Variants in IGSF3 observed in about 807,000 individuals in gnomAD.
IGSF3 encodes the protein glu-Trp-Ile EWI motif-containing protein 3.
Under a neutral mutation model 114.4 loss-of-function variants are expected in IGSF3, and 23 were observed. That is an observed-to-expected ratio of 0.20 (90% CI 0.14 to 0.28). The LOEUF (loss-of-function observed/expected upper bound fraction) is 0.28. Ranked by LOEUF, IGSF3 falls within the 10% of genes least tolerant of loss-of-function variation. The pLI is 1.00. For missense variants in IGSF3, 1,172 were observed against 1,591.5 expected (o/e 0.74, Z 4.48); for synonymous variants, 571 against 645.2 (o/e 0.88, Z 1.74).
intron 4 of IGSF3, among the ~76,000 whole-genome samples, chr1:116,608,634 C>T (rs1216666432): frequency 6.6e-6 from 1 of 152,174 alleles, no homozygotes; most frequent in Admixed American, 6.5e-5. Flanking sequence ...AGATGAGACC[C>T]CCAGGTCAGT....
Position 116,648,045 on chromosome 1 carries a change from G to A in IGSF3, c.43+18239C>T, listed in dbSNP as rs1340908158. 2.0e-5 allele frequency among the ~76,000 whole-genome samples: 3 copies of A among 152,026 alleles called. No individual in the cohort carries two copies. Among genetic ancestry groups the A allele is most frequent in the South Asian group, 2.1e-4 (1 of 4,824 alleles). On this transcript the variant is annotated intron_variant, in intron 2 of 10. Coordinates refer to ENST00000369486, the MANE Select transcript of IGSF3 (RefSeq NM_001007237.3). This position sits in a 1 kb window ranked among gnomAD's most constrained non-coding sequence, Gnocchi z 4.7. ...CTTGAACCTGGGAGGCAGAGGTTGC[G>A]ATAAGCTGAGATTGGGCCACTGCAC...
Position 116,579,517 on chromosome 1 carries a change from G to C in IGSF3, c.3209C>G (p.Ala1070Gly). The change falls in exon 10 of 11, where the codon GCA becomes GGA. Residue 1070 changes from alanine to glycine, a missense_variant. Transcript: ENST00000369486. This position sits in a 1 kb window ranked among gnomAD's most constrained non-coding sequence, Gnocchi z 6.4. ...PVLYRLTVLQ[A>G]SPQDTGNYSC... ...GTAATTGCCTGTATCTTGGGGGCTT[G>C]CCTGCAGCACTGTGAGCCGGTAGAG... is the stretch of plus-strand genomic sequence containing the variant. 6.2e-7 allele frequency: 1 copy of C among 1,614,126 alleles called. No individual in the cohort carries two copies.
At position 116,647,780 on chromosome 1, in the gene IGSF3, T is replaced by A. The variant is rs1481518774; in HGVS notation, c.43+18504A>T. 3.9e-5 allele frequency among the ~76,000 whole-genome samples: 6 copies of A among 152,334 alleles called. No homozygotes were observed. In the East Asian group the frequency reaches 1.2e-3, roughly 29 times the overall value. ...TTTCTGGGATTAAGCTTAGACCTTG[T>A]AGGCCTATCAGCCAGAAGCAGTGTG... On this transcript the variant is annotated intron_variant, in intron 2 of 10. Transcript: ENST00000369486. The surrounding 1 kb of genome is among the most constrained non-coding windows in gnomAD (Gnocchi z 4.6).
chr1:116,606,583 T>C (rs766090000), intron 5 of IGSF3: 3 of 775,102 alleles, frequency 3.9e-6, no homozygotes, highest in East Asian at 2.5e-5. Context: ...CCACAGATCA[T>C]CAAACAAGTT....
At chr1:116,663,966 A>G (rs1040641093) in intron 2 of IGSF3, among the ~76,000 whole-genome samples, 1 of 152,248 alleles carries the variant, frequency 6.6e-6, no homozygotes, top group Non-Finnish European at 1.5e-5. Flanking sequence ...TGCAGCAAGA[A>G]TGCTGACACA....
rs1416536788 is a variant in IGSF3 at position 116,628,881 on chromosome 1, C to T, written c.44-12424G>A. Reference sequence around the variant, plus strand: ...CTATGACCAGGCAGTAGGCAGTGGGCCCTGCTCATTCTTTCTAGGGAGGCA... The same window carrying T: ...CTATGACCAGGCAGTAGGCAGTGGGTCCTGCTCATTCTTTCTAGGGAGGCA... On this transcript the variant is annotated intron_variant, in intron 2 of 10. Coordinates refer to ENST00000369486, the MANE Select transcript of IGSF3 (RefSeq NM_001007237.3). The surrounding 1 kb of genome is among the most constrained non-coding windows in gnomAD (Gnocchi z 4.2). Among the ~76,000 whole-genome samples, 1 of 152,158 alleles carries T rather than the reference C, an allele frequency of 6.6e-6. No individual in the cohort carries two copies. The highest frequency in any genetic ancestry group is 1.9e-4 in the East Asian group (1 of 5,200).
Position 116,632,479 on chromosome 1 carries a change from C to T in IGSF3, c.44-16022G>A, listed in dbSNP as rs1647634586. Reference sequence around the variant, plus strand: ...CATAACTATGGAACAGCTAACCACACAACGCAGCATACTGAATGAGAAGCC... The same window carrying T: ...CATAACTATGGAACAGCTAACCACATAACGCAGCATACTGAATGAGAAGCC... On this transcript the variant is annotated intron_variant, in intron 2 of 10. Coordinates refer to ENST00000369486, the MANE Select transcript of IGSF3 (RefSeq NM_001007237.3). This position sits in a 1 kb window ranked among gnomAD's most constrained non-coding sequence, Gnocchi z 5.1. 1.3e-5 allele frequency among the ~76,000 whole-genome samples: 2 copies of T among 152,210 alleles called. No individual in the cohort carries two copies. Among genetic ancestry groups the T allele is most frequent in the South Asian group, 4.1e-4 (2 of 4,820 alleles).
At chr1:116,641,495 C>CAAAAAAAAAAAAAAAAAAAAAAAA (rs57930787) in intron 2 of IGSF3, among the ~76,000 whole-genome samples, 1 of 40,690 alleles carries the variant, frequency 2.5e-5, no homozygotes, top group Non-Finnish European at 4.8e-5. Flanking sequence ...GACTCTGTCT[C>CAAAAAAAAAAAAAAAAAAAAAAAA]AAAAAAAAAA....
At position 116,642,648 on chromosome 1, in the gene IGSF3, T is replaced by C. The variant is rs1290507773; in HGVS notation, c.43+23636A>G. Among the ~76,000 whole-genome samples the C allele has an allele frequency of 6.6e-6, 1 of 152,246 alleles. No homozygotes were observed. Among genetic ancestry groups the C allele is most frequent in the African/African-American group, 2.4e-5 (1 of 41,462 alleles). ...GCCTCACAAGAATTAAAATTGATGG[T>C]TGGAACTGGGCGCTCCGAGGCTGTG... On this transcript the variant is annotated intron_variant, in intron 2 of 10. Coordinates refer to ENST00000369486, the MANE Select transcript of IGSF3 (RefSeq NM_001007237.3). This position sits in a 1 kb window ranked among gnomAD's most constrained non-coding sequence, Gnocchi z 5.4.
At position 116,577,610 on chromosome 1, in the gene IGSF3, G is replaced by A; in HGVS notation, c.3335-48C>T. ...CAAGACAATGAGGGCTGAGAACCTG[G>A]ACTGCTCACATTTCCTTTTGAAGAC... On this transcript the variant is annotated intron_variant, in intron 10 of 10. Transcript: ENST00000369486. The surrounding 1 kb of genome is among the most constrained non-coding windows in gnomAD (Gnocchi z 5.7). 2 of 1,592,312 alleles carry A rather than the reference G, an allele frequency of 1.3e-6. No homozygotes were observed. Among genetic ancestry groups the A allele is most frequent in the Non-Finnish European group, 1.7e-6 (2 of 1,167,514 alleles).
intron 2 of IGSF3, among the ~76,000 whole-genome samples, chr1:116,635,473 C>T (rs1165354859): frequency 6.6e-6 from 1 of 152,194 alleles, no homozygotes; most frequent in Non-Finnish European, 1.5e-5. Flanking sequence ...TAACCTCTCC[C>T]TCCTGTAGCC....
In IGSF3 at chr1:116,638,589, T is replaced by C. The variant is rs1415535606; in HGVS notation, c.44-22132A>G. ...GTACGTCTTACTGGATTTTGCCATT[T>C]CCCCCAAGTCGACCAGGAGTCATTC... On this transcript the variant is annotated intron_variant, in intron 2 of 10. Transcript: ENST00000369486. This position sits in a 1 kb window ranked among gnomAD's most constrained non-coding sequence, Gnocchi z 4.1. Among the ~76,000 whole-genome samples, 1 of 152,032 alleles carries C rather than the reference T, an allele frequency of 6.6e-6. No homozygotes were observed.
rs751777277 is a variant in IGSF3 at position 116,661,310 on chromosome 1, T to G, written c.43+4974A>C. On this transcript the variant is annotated intron_variant, in intron 2 of 10. Coordinates refer to ENST00000369486, the MANE Select transcript of IGSF3 (RefSeq NM_001007237.3). This position sits in a 1 kb window ranked among gnomAD's most constrained non-coding sequence, Gnocchi z 4.0. ...TCCATCTCAAAAAAAATAAAATAACTGAACACCTGCTTACTTTGCATGGCA... is the reference window on the plus strand; with the variant it reads ...TCCATCTCAAAAAAAATAAAATAACGGAACACCTGCTTACTTTGCATGGCA... 9.0e-4 allele frequency among the ~76,000 whole-genome samples: 136 copies of G among 151,598 alleles called. 1 individual carries two copies. In the Middle Eastern group the frequency reaches 0.01, roughly 11 times the overall value.
Position 116,593,871 on chromosome 1 carries a change from A to C in IGSF3, c.2030-4767T>G, listed in dbSNP as rs1243572933. On this transcript the variant is annotated intron_variant, in intron 7 of 10. Transcript: ENST00000369486. This position sits in a 1 kb window ranked among gnomAD's most constrained non-coding sequence, Gnocchi z 4.5. Reference sequence around the variant, plus strand: ...TGGGGAGGGGTATATATTCAATGGAATAAAGCCATTAAAGATGTAAAATTG... The same window carrying C: ...TGGGGAGGGGTATATATTCAATGGACTAAAGCCATTAAAGATGTAAAATTG... Among the ~76,000 whole-genome samples, 2 of 152,216 alleles carry C rather than the reference A, an allele frequency of 1.3e-5. No homozygotes were observed. Among genetic ancestry groups the C allele is most frequent in the African/African-American group, 4.8e-5 (2 of 41,456 alleles).
At position 116,614,832 on chromosome 1, in the gene IGSF3, G is replaced by T. The variant is rs1171676173; in HGVS notation, c.422-657C>A. Among the ~76,000 whole-genome samples, 1 of 152,142 alleles carries T rather than the reference G, an allele frequency of 6.6e-6. No homozygotes were observed. Among genetic ancestry groups the T allele is most frequent in the Non-Finnish European group, 1.5e-5 (1 of 68,034 alleles). ...AGGCAAGAGAAGAGATTTTCTCCGT[G>T]ATCCCTTGGTCAGAATCATACCCTG... On this transcript the variant is annotated intron_variant, in intron 3 of 10. Transcript: ENST00000369486. This position sits in a 1 kb window ranked among gnomAD's most constrained non-coding sequence, Gnocchi z 4.5.
rs1277469302 is a variant in IGSF3, at chr1:116,636,223, T to C, written c.44-19766A>G. Among the ~76,000 whole-genome samples the C allele has an allele frequency of 1.3e-5, 2 of 152,200 alleles. No homozygotes were observed. The highest frequency in any genetic ancestry group is 2.9e-5 in the Non-Finnish European group (2 of 68,050). On this transcript the variant is annotated intron_variant, in intron 2 of 10. Coordinates refer to ENST00000369486, the MANE Select transcript of IGSF3 (RefSeq NM_001007237.3). The surrounding 1 kb of genome is among the most constrained non-coding windows in gnomAD (Gnocchi z 4.5). Reference sequence around the variant, plus strand: ...CATACCGAGTCTACCATTCCTTCCCTGATCAAAGTTGCTTTCACAGGCATC... The same window carrying C: ...CATACCGAGTCTACCATTCCTTCCCCGATCAAAGTTGCTTTCACAGGCATC...
rs372499194 is a variant in IGSF3, at chr1:116,604,062, A to C, written c.1223-37T>G. 9.3e-5 allele frequency: 141 copies of C among 1,510,926 alleles called. No homozygotes were observed. The African/African-American group carries it at 1.6e-3, about 17-fold the overall frequency. The allele number at this position is 1,510,926 out of a possible 1,614,324, so 93.6% of individuals were successfully genotyped here. A position where few individuals can be genotyped will look rare whatever the true frequency, so the allele number is the denominator to read the frequency against. ...GAGAGAGAAACACCCTGGAGGCTTT[A>C]TGGTCTCCACAGCGCCCTCCCCACA... is the stretch of plus-strand genomic sequence containing the variant. On this transcript the variant is annotated intron_variant, in intron 5 of 10. Coordinates refer to ENST00000369486, the MANE Select transcript of IGSF3 (RefSeq NM_001007237.3).
chr1:116,590,988 C>T (rs1305214385), intron 7 of IGSF3, among the ~76,000 whole-genome samples: 3 of 152,032 alleles, frequency 2.0e-5, no homozygotes, highest in Admixed American at 6.6e-5. Context: ...CACAGACCTT[C>T]TCACGCCATC....
At chr1:116,659,530 A>C (rs530658788) in intron 2 of IGSF3, among the ~76,000 whole-genome samples, 4 of 152,124 alleles carry the variant, frequency 2.6e-5, no homozygotes, top group Non-Finnish European at 5.9e-5. Context: ...ACCCTTTACA[A>C]GGAATAGCTG....
Sources: allele counts gnomAD v4.1 joint callset (sites outside exome capture counted in the v4.1 genomes callset), GRCh38; gene constraint gnomAD v4.1.1; non-coding constraint Gnocchi (gnomAD v3.1); transcripts MANE v1.5; gene names NCBI Gene and HGNC (gene_info 2026-07-23, HGNC 2026-07-21).